The following ZDHHC2 variants were observed in gnomAD, a reference collection of about 807,000 sequenced individuals.
ZDHHC2 encodes the protein zDHHC palmitoyltransferase 2.
In ZDHHC2, 51 loss-of-function variants were observed where a neutral mutation model predicts 55.6. The ratio of observed to expected loss-of-function variants is 0.92; its 90% CI spans 0.73 to 1.16. The LOEUF is 1.16. Among genes scored for constraint, ZDHHC2 ranks in the 50% most tolerant of loss-of-function variants. ZDHHC2 has a pLI of 0.00. For synonymous variants in ZDHHC2, 199 were observed against 152.9 expected, an observed-to-expected ratio of 1.30 and a Z score of -2.22; for missense variants, 491 against 442.4, an observed-to-expected ratio of 1.11 and a Z score of -0.99.
At chr8:17,160,094 T>C (rs1252367736) in intron 1 of ZDHHC2, among the ~76,000 whole-genome samples, 2 of 152,246 alleles carry the variant, frequency 1.3e-5, no homozygotes, top group Non-Finnish European at 1.5e-5. Context: ...ACGTGGTTTA[T>C]GTTTTACAGA....
rs530192999 is a variant in ZDHHC2 at position 17,166,369 on chromosome 8, C to T, written c.130+9516C>T. Among the ~76,000 whole-genome samples the T allele has an allele frequency of 9.9e-5, 15 of 152,130 alleles. No individual in the cohort carries two copies. In the South Asian group the frequency reaches 2.9e-3, roughly 29 times the overall value. On this transcript the variant is annotated intron_variant, in intron 1 of 12. Coordinates refer to ENST00000262096, the MANE Select transcript of ZDHHC2 (RefSeq NM_016353.5). ...TTCCATTGTTTTTGACTCATACAAC[C>T]GAAAGGATGATCAGTTGAGATGCAG...
At chr8:17,186,541 A>G (rs1805721336) in intron 3 of ZDHHC2, 116 bp downstream of exon 3, 1 of 595,086 alleles carries the variant, frequency 1.7e-6, no homozygotes. Flanking sequence ...GTGACTTTTT[A>G]GATTAAAAAA....
At chr8:17,201,749 G>C (rs992294330) in intron 6 of ZDHHC2, among the ~76,000 whole-genome samples, 1 of 151,262 alleles carries the variant, frequency 6.6e-6, no homozygotes, top group Non-Finnish European at 1.5e-5. Flanking sequence ...ACCCGCCTCA[G>C]CCTCCCAAAG....
rs1245287620 is a variant in ZDHHC2 at position 17,221,368 on chromosome 8, T to C, written c.*1147T>C. 6.6e-6 allele frequency: 1 copy of C among 152,572 alleles called. No homozygotes were observed. The highest frequency in any genetic ancestry group is 1.5e-5 in the Non-Finnish European group (1 of 67,970). 9.5% of individuals were successfully genotyped at this position (152,572 alleles called of 1,614,324 possible). On this transcript the variant is annotated 3_prime_UTR_variant, in exon 13 of 13. Transcript: ENST00000262096. Reference sequence around the variant, plus strand: ...AGCTTCAGTAAATATAATAAGCTCTTGTGCCTTGTATGCACTATTTAAAAA... The same window carrying C: ...AGCTTCAGTAAATATAATAAGCTCTCGTGCCTTGTATGCACTATTTAAAAA...
chr8:17,186,961 A>G (rs983602208), intron 3 of ZDHHC2, among the ~76,000 whole-genome samples: 14 of 152,230 alleles, frequency 9.2e-5, no homozygotes, highest in African/African-American at 3.4e-4. Context: ...GGTTCCAACC[A>G]TCACATCTAC....
Position 17,208,057 on chromosome 8 carries a change from A to C in ZDHHC2, c.695A>C (p.His232Pro). Reference protein sequence around the residue: ...SVSLSSLFGYHCWLVSKNKST... With the variant: ...SVSLSSLFGYPCWLVSKNKST... ...AGCTTGTCTTCTCTGTTTGGCTATC[A>C]TTGTTGGCTAGTCAGCAAAAATAAA... The change falls in exon 8 of 13, where the codon CAT (histidine) becomes CCT (proline). Residue 232 changes from histidine (H) to proline (P), a missense_variant. Coordinates refer to ENST00000262096, the MANE Select transcript of ZDHHC2 (RefSeq NM_016353.5). The C allele has an allele frequency of 1.3e-6, 2 of 1,586,300 alleles. No individual in the cohort carries two copies. The highest frequency in any genetic ancestry group is 2.3e-5 in the South Asian group (2 of 86,960).
intron 7 of ZDHHC2, among the ~76,000 whole-genome samples, chr8:17,207,091 G>A (rs185232909): frequency 3.3e-5 from 5 of 152,324 alleles, no homozygotes; most frequent in Admixed American, 2.0e-4. Context: ...GAAAAGGAAT[G>A]ACCAGAATTT....
chr8:17,171,143 G>T (rs1804833375), intron 1 of ZDHHC2, among the ~76,000 whole-genome samples: 1 of 152,174 alleles, frequency 6.6e-6, no homozygotes, highest in South Asian at 2.1e-4. Flanking sequence ...TTGGAAAGGA[G>T]GGGGGTGGGG....
intron 8 of ZDHHC2, among the ~76,000 whole-genome samples, chr8:17,208,353 T>C (rs962510774): frequency 3.3e-5 from 5 of 150,982 alleles, no homozygotes; most frequent in African/African-American, 1.2e-4. Context: ...TAGTGGCATA[T>C]AGATATATAG....
chr8:17,185,203 C>T (rs1408959017), intron 2 of ZDHHC2, among the ~76,000 whole-genome samples: 2 of 152,060 alleles, frequency 1.3e-5, no homozygotes, highest in East Asian at 1.9e-4. Flanking sequence ...CTATGAGTAT[C>T]CTCATTCTTT....
rs377563461 is a variant in ZDHHC2, at chr8:17,218,214, T to G, written c.*34+968T>G. ...GACTGACTATAACTGGTTAAAATAG[T>G]GAAAATTTCATCTGAATTTGATTAA... On this transcript the variant is annotated intron_variant, in intron 12 of 12. Transcript: ENST00000262096. 8.5e-5 allele frequency among the ~76,000 whole-genome samples: 13 copies of G among 152,206 alleles called. 1 individual carries two copies. In the East Asian group the frequency reaches 2.1e-3, roughly 25 times the overall value.
intron 1 of ZDHHC2, among the ~76,000 whole-genome samples, chr8:17,182,650 A>T (rs947720537): frequency 7.9e-6 from 1 of 125,826 alleles, no homozygotes; most frequent in Non-Finnish European, 1.7e-5. Flanking sequence ...GTGAATGGCA[A>T]TAATAATAAT....
At chr8:17,186,487 T>G in intron 3 of ZDHHC2, 62 bp downstream of exon 3, 1 of 991,730 alleles carries the variant, frequency 1.0e-6, no homozygotes, top group Non-Finnish European at 1.4e-6. Context: ...GATGTATTAT[T>G]GAAGAACGAA....
Position 17,156,570 on chromosome 8 carries a change from A to C in ZDHHC2, c.-154A>C. ...CGCCGCGCCGGCTCGGGGCTGCGGG[A>C]TGGGGAGTTAGCGCCACGGCGGCGG... On this transcript the variant is annotated 5_prime_UTR_variant, in exon 1 of 13. An upstream start codon of the reference 5' UTR is lost. Transcript: ENST00000262096. 7.5e-6 allele frequency: 3 copies of C among 397,996 alleles called. No homozygotes were observed. Among genetic ancestry groups the C allele is most frequent in the Non-Finnish European group, 1.0e-5 (3 of 291,400 alleles). The allele number at this position is 397,996 out of a possible 1,614,324, so 24.7% of individuals were successfully genotyped here.
intron 1 of ZDHHC2, among the ~76,000 whole-genome samples, chr8:17,175,892 G>T (rs1805102609): frequency 6.6e-6 from 1 of 152,184 alleles, no homozygotes; most frequent in Non-Finnish European, 1.5e-5. Context: ...AGTCAGGTGT[G>T]GAGCTTTTCA....
At chr8:17,214,490 C>CGA (rs1807546483) in intron 10 of ZDHHC2, among the ~76,000 whole-genome samples, 1 of 152,196 alleles carries the variant, frequency 6.6e-6, no homozygotes, top group Non-Finnish European at 1.5e-5. Context: ...TCTTCCATAT[C>CGA]CACATATCAC....
chr8:17,162,808 A>G (rs1008077110), intron 1 of ZDHHC2: 1 of 152,158 alleles, frequency 6.6e-6, no homozygotes, highest in Non-Finnish European at 1.5e-5. Context: ...AAAACGTCTC[A>G]CTCCTAGACA....
At chr8:17,205,959 G>A (rs963077144) in intron 7 of ZDHHC2, among the ~76,000 whole-genome samples, 184 bp downstream of exon 7, 9 of 152,098 alleles carry the variant, frequency 5.9e-5, no homozygotes, top group Admixed American at 1.3e-4. Context: ...CCCCCACATC[G>A]ATACTGACAG....
chr8:17,159,545 A>G (rs945931337), intron 1 of ZDHHC2, among the ~76,000 whole-genome samples: 1 of 152,312 alleles, frequency 6.6e-6, no homozygotes, highest in South Asian at 2.1e-4. Context: ...AATGATTCTC[A>G]TTACAGTTAG....
Sources: allele counts gnomAD v4.1 joint callset (sites outside exome capture counted in the v4.1 genomes callset), GRCh38; gene constraint gnomAD v4.1.1; transcripts MANE v1.5; gene names NCBI Gene and HGNC (gene_info 2026-07-23, HGNC 2026-07-21).